The following TNIK variants were observed in gnomAD, a reference collection of about 807,000 sequenced individuals.
The protein encoded by TNIK is TRAF2 and NCK-interacting protein kinase.
In TNIK, 49 loss-of-function variants were observed where a neutral mutation model predicts 191.3. That is an observed-to-expected ratio of 0.26 (90% confidence interval 0.20 to 0.32). The LOEUF (loss-of-function observed/expected upper bound fraction) is 0.32, where lower values mean the gene tolerates loss of function less well. Ranked by LOEUF, TNIK falls within the 10% of genes least tolerant of loss-of-function variation. The probability of loss-of-function intolerance (pLI) is 1.00; values close to 1 mark genes in which losing one functional copy is unlikely to be tolerated. For synonymous variants in TNIK, 594 were observed against 600.9 expected (o/e 0.99, Z 0.17); for missense variants, 1,155 against 1,702.3 (o/e 0.68, Z 5.66).
At chr3:171,200,352 C>T (rs1185186668) in intron 4 of TNIK, among the ~76,000 whole-genome samples, 1 of 152,040 alleles carries the variant, frequency 6.6e-6, no homozygotes. Flanking sequence ...GTGGAGCAAC[C>T]AACTTATTAG....
chr3:171,120,425 A>G (rs1336991689), intron 18 of TNIK, among the ~76,000 whole-genome samples: 2 of 146,836 alleles, frequency 1.4e-5, no homozygotes, highest in Non-Finnish European at 3.0e-5. Flanking sequence ...GATTCGCGCC[A>G]TTCTCCTGCC....
intron 2 of TNIK, among the ~76,000 whole-genome samples, chr3:171,302,819 T>C (rs150103695): frequency 1.6e-3 from 251 of 152,334 alleles, no homozygotes; most frequent in Non-Finnish European, 2.6e-3. Flanking sequence ...TAAAGCCCTT[T>C]GCACCTGCAG....
In TNIK at chr3:171,291,979, T is replaced by C. The variant is rs184542613; in HGVS notation, c.124-63758A>G. ...CTCATTTATCTTCAGGTTTACTGAA[T>C]CTTTCCTCATTACTTCTACTGTGCT... On this transcript the variant is annotated intron_variant, in intron 2 of 32. Coordinates refer to ENST00000436636, the MANE Select transcript of TNIK (RefSeq NM_015028.4). Among the ~76,000 whole-genome samples the C allele has an allele frequency of 1.1e-3, 174 of 152,348 alleles. 2 individuals are homozygous for C. Among genetic ancestry groups the C allele is most frequent in the African/African-American group, 4.1e-3 (171 of 41,590 alleles).
In TNIK at chr3:171,175,425, C is replaced by T. The variant is rs6777931; in HGVS notation, c.695-95G>A. The T allele has an allele frequency of 0.017, 17,098 of 1,010,036 alleles. 1,941 individuals carry two copies. In the African/African-American group the frequency reaches 0.25, roughly 15 times the overall value. 62.6% of individuals were successfully genotyped at this position (1,010,036 alleles called of 1,614,324 possible). A position where few individuals can be genotyped will look rare whatever the true frequency, so the allele number is the denominator to read the frequency against. On this transcript the variant is annotated intron_variant, in intron 8 of 32. Transcript: ENST00000436636. ...TGCAGATAATGGCTGCCCAATGACC[C>T]ACTCAGTTTACACACCACCAGTGAG...
chr3:171,079,079 G>T (rs1475639603), intron 28 of TNIK, among the ~76,000 whole-genome samples: 1 of 152,130 alleles, frequency 6.6e-6, no homozygotes, highest in East Asian at 1.9e-4. Flanking sequence ...TAGTTCCTGG[G>T]CCTTTCCAGG....
At chr3:171,248,010 T>C (rs754873830) in intron 2 of TNIK, among the ~76,000 whole-genome samples, 9 of 152,038 alleles carry the variant, frequency 5.9e-5, no homozygotes, top group East Asian at 3.9e-4. Flanking sequence ...AAAGGGGCAA[T>C]TCTGGGCAAG....
chr3:171,317,475 C>G (rs553740122), intron 2 of TNIK, among the ~76,000 whole-genome samples: 1 of 152,194 alleles, frequency 6.6e-6, no homozygotes, highest in East Asian at 1.9e-4. Flanking sequence ...CAAAAGTCTT[C>G]GGTAATAATG....
rs766272753 is a variant in TNIK, at chr3:171,177,294, C to G, written c.694+32G>C. 1.3e-5 allele frequency: 21 copies of G among 1,595,060 alleles called. No individual in the cohort carries two copies. In the South Asian group the frequency reaches 2.4e-4, roughly 18 times the overall value. On this transcript the variant is annotated intron_variant, in intron 8 of 32. Transcript: ENST00000436636. ...CTTCAGTACCTGCAGAGCAGACCAG[C>G]AACAGATTTCACCCCAGAGGAGGGT...
chr3:171,337,095 G>T, intron 2 of TNIK, among the ~76,000 whole-genome samples: 1 of 152,200 alleles, frequency 6.6e-6, no homozygotes, highest in East Asian at 1.9e-4. Context: ...AGCACTTTGT[G>T]CCAACCAAAC....
chr3:171,307,514 G>A (rs910777818), intron 2 of TNIK, among the ~76,000 whole-genome samples: 6 of 152,154 alleles, frequency 3.9e-5, no homozygotes. Flanking sequence ...TGAAAGATTA[G>A]AAACTATTGA....
intron 2 of TNIK, among the ~76,000 whole-genome samples, chr3:171,305,191 G>A (rs759106986): frequency 1.3e-5 from 2 of 151,852 alleles, no homozygotes; most frequent in Admixed American, 6.6e-5. Context: ...ACTTTAATGC[G>A]GCCAGTACAT....
intron 2 of TNIK, among the ~76,000 whole-genome samples, chr3:171,288,901 G>A (rs2108227495): frequency 6.6e-6 from 1 of 151,476 alleles, no homozygotes; most frequent in East Asian, 1.9e-4. Flanking sequence ...ATTTGGAGAA[G>A]TAGAATGAAA....
chr3:171,345,651 G>GA (rs541933735), intron 2 of TNIK, among the ~76,000 whole-genome samples: 83 of 151,982 alleles, frequency 5.5e-4, no homozygotes, highest in Non-Finnish European at 9.6e-4. Context: ...GCATATGAGA[G>GA]AAAAAACACC....
intron 1 of TNIK, among the ~76,000 whole-genome samples, chr3:171,427,584 CA>C (rs997476955): frequency 2.6e-5 from 4 of 152,194 alleles, no homozygotes; most frequent in African/African-American, 9.6e-5. Flanking sequence ...GGGTGCATAA[CA>C]AAAGTGCTAT....
chr3:171,341,007 G>A (rs578106344), intron 2 of TNIK, among the ~76,000 whole-genome samples: 4 of 152,244 alleles, frequency 2.6e-5, no homozygotes, highest in African/African-American at 7.2e-5. Flanking sequence ...GAGGTAGCTA[G>A]GGGTTACTGA....
intron 2 of TNIK, among the ~76,000 whole-genome samples, chr3:171,234,515 A>T (rs1744033074): frequency 6.6e-6 from 1 of 152,266 alleles, no homozygotes; most frequent in South Asian, 2.1e-4. Context: ...GGCACCTCTG[A>T]GTGACAGAAA....
At position 171,149,562 on chromosome 3, in the gene TNIK, G is replaced by A. The variant is rs186796056; in HGVS notation, c.1221+7898C>T. ...AGTCAGAACTCCTTTGGCACAACAC[G>A]TAAGTTAGAACAAGAAGCCCTTTTG... On this transcript the variant is annotated intron_variant, in intron 12 of 32. Coordinates refer to ENST00000436636, the MANE Select transcript of TNIK (RefSeq NM_015028.4). 7.9e-5 allele frequency among the ~76,000 whole-genome samples: 12 copies of A among 152,276 alleles called. No homozygotes were observed. The East Asian group carries it at 1.4e-3, about 17-fold the overall frequency.
intron 1 of TNIK, among the ~76,000 whole-genome samples, chr3:171,402,871 C>T (rs922443278): frequency 2.0e-5 from 3 of 152,204 alleles, no homozygotes; most frequent in African/African-American, 7.2e-5. Flanking sequence ...CCTGCATAAT[C>T]ACTCATCTAA....
At chr3:171,236,564 C>T (rs374098480) in intron 2 of TNIK, among the ~76,000 whole-genome samples, 5 of 152,290 alleles carry the variant, frequency 3.3e-5, no homozygotes, top group African/African-American at 9.6e-5. Context: ...AAGGTCCAGA[C>T]GCTGCCCTGC....
Sources: gnomAD v4.1 joint callset for allele counts (sites outside exome capture counted in the v4.1 genomes callset) on GRCh38, gnomAD v4.1.1 for gene constraint, MANE v1.5 for transcripts, NCBI Gene and HGNC (gene_info 2026-07-23, HGNC 2026-07-21) for gene names.